The following SLC30A8 variants were observed in gnomAD, a reference collection of about 807,000 sequenced individuals.
The protein encoded by SLC30A8 is proton-coupled zinc antiporter SLC30A8.
A neutral mutation model predicts 36.9 loss-of-function variants in SLC30A8; 27 were observed. The ratio of observed to expected loss-of-function variants is 0.73; its 90% CI spans 0.54 to 1.01. The LOEUF (loss-of-function observed/expected upper bound fraction) is 1.01. SLC30A8 is among the 50% of genes least tolerant of loss of function. The pLI, the probability that SLC30A8 is intolerant of heterozygous loss-of-function variation, is 0.00. For missense variants in SLC30A8, 439 were observed against 452.0 expected, an observed-to-expected ratio of 0.97 and a Z score of 0.26; for synonymous variants, 164 against 172.4, an observed-to-expected ratio of 0.95 and a Z score of 0.38.
chr8:116,963,398 AC>A (rs1192040250), intron 1 of SLC30A8, among the ~76,000 whole-genome samples: 2 of 151,734 alleles, frequency 1.3e-5, no homozygotes, highest in East Asian at 1.9e-4. Context: ...CATTTTCATC[AC>A]CCCCAAATGA....
chr8:117,153,919 GAGA>G (rs1195412751), intron 3 of SLC30A8, among the ~76,000 whole-genome samples: 4 of 152,146 alleles, frequency 2.6e-5, no homozygotes, highest in African/African-American at 4.8e-5. Context: ...AAGAAAGGGA[GAGA>G]AGAAGTCTAG....
chr8:116,966,372 C>T (rs554940444), intron 1 of SLC30A8, among the ~76,000 whole-genome samples: 6 of 152,096 alleles, frequency 3.9e-5, no homozygotes, highest in African/African-American at 1.4e-4. Flanking sequence ...TCTTGCTACT[C>T]CCTTTTCAGT....
chr8:117,055,141 A>G (rs1158839524), intron 2 of SLC30A8, among the ~76,000 whole-genome samples: 3 of 152,224 alleles, frequency 2.0e-5, no homozygotes, highest in Admixed American at 2.0e-4. Context: ...CGGGGTTACC[A>G]GTCCCTCTCC....
At chr8:117,079,186 A>G (rs1476031991) in intron 2 of SLC30A8, among the ~76,000 whole-genome samples, 1 of 150,572 alleles carries the variant, frequency 6.6e-6, no homozygotes, top group Non-Finnish European at 1.5e-5. Flanking sequence ...TAATTTTTGT[A>G]TTTTTAGTAG....
At chr8:117,094,782 C>G (rs971942534) in intron 2 of SLC30A8, among the ~76,000 whole-genome samples, 18 of 152,306 alleles carry the variant, frequency 1.2e-4, no homozygotes, top group African/African-American at 4.3e-4. Context: ...TCATTCATGG[C>G]GTCCAGGCTG....
intron 1 of SLC30A8, among the ~76,000 whole-genome samples, chr8:116,963,754 A>ATTGC (rs1398455594): frequency 6.6e-6 from 1 of 152,178 alleles, no homozygotes; most frequent in Non-Finnish European, 1.5e-5. Context: ...ACCTGTTTTC[A>ATTGC]TTGCTTTGGA....
intron 2 of SLC30A8, among the ~76,000 whole-genome samples, chr8:117,054,258 C>G (rs948035480): frequency 6.6e-6 from 1 of 152,018 alleles, no homozygotes; most frequent in Non-Finnish European, 1.5e-5. Context: ...GGTACCGCAC[C>G]TGGCTATTTT....
At chr8:117,030,694 G>A (rs1168459976) in intron 1 of SLC30A8, among the ~76,000 whole-genome samples, 1 of 151,524 alleles carries the variant, frequency 6.6e-6, no homozygotes, top group South Asian at 2.1e-4. Context: ...TCTAGGTTTT[G>A]CTGAGTTATT....
chr8:117,052,103 C>T lies in SLC30A8; in HGVS notation c.-226+12845C>T, dbSNP rs575151149. Reference sequence around the variant, plus strand: ...TCGGCTCTCTGCAACCTCTGCCTCCCGGGTTCAAGCGATTCTCCTGCCTCA... The same window carrying T: ...TCGGCTCTCTGCAACCTCTGCCTCCTGGGTTCAAGCGATTCTCCTGCCTCA... On this transcript the variant is annotated intron_variant, in intron 2 of 10. Coordinates refer to the SLC30A8 transcript ENST00000427715. 9.2e-5 allele frequency among the ~76,000 whole-genome samples: 14 copies of T among 152,250 alleles called. No individual in the cohort carries two copies. In the South Asian group the frequency reaches 1.7e-3, roughly 18 times the overall value.
chr8:117,095,701 G>T lies in SLC30A8; in HGVS notation c.-225-39579G>T, dbSNP rs1280425476. ...TTGCCTTGTTCATTCCTTTAGTCAGGTATGCAATATTTATTGAGGGCTTCC... is the reference window on the plus strand; with the variant it reads ...TTGCCTTGTTCATTCCTTTAGTCAGTTATGCAATATTTATTGAGGGCTTCC... On this transcript the variant is annotated intron_variant, in intron 2 of 10. Transcript: ENST00000427715. 2.0e-5 allele frequency among the ~76,000 whole-genome samples: 3 copies of T among 152,252 alleles called. No homozygotes were observed. The East Asian group carries it at 5.8e-4, about 29-fold the overall frequency.
intron 3 of SLC30A8, 103 bp from the exon 4 acceptor site, chr8:117,157,588 C>A: frequency 1.5e-6 from 2 of 1,309,164 alleles, no homozygotes; most frequent in Non-Finnish European, 1.1e-6. Context: ...TAATGTGAAG[C>A]CTTTTTGGGG....
chr8:117,171,036 G>T lies in SLC30A8; in HGVS notation c.832G>T (p.Val278Leu). The T allele has an allele frequency of 6.3e-7, 1 of 1,589,160 alleles. No homozygotes were observed. The highest frequency in any genetic ancestry group is 8.6e-7 in the Non-Finnish European group (1 of 1,169,000). Reference protein sequence around the residue: ...KDFSILLMEGVPKSLNYSGVK... With the variant: ...KDFSILLMEGLPKSLNYSGVK... ...CTCCATCTCTTCCCTTTTGTCAGGT[G>T]TGCCAAAGAGCCTGAATTACAGTGG... Residue 278 changes from valine (V) to leucine (L), a missense_variant and splice_region_variant, in exon 7 of 8, where the codon GTG becomes TTG. By Grantham distance (32) the Val-to-Leu change is conservative. Transcript: ENST00000456015.
At chr8:117,155,569 G>T (rs1037762771) in intron 3 of SLC30A8, among the ~76,000 whole-genome samples, 4 of 152,158 alleles carry the variant, frequency 2.6e-5, no homozygotes, top group Admixed American at 6.5e-5. Context: ...ACAGTATTTT[G>T]GGGGGTACAT....
At chr8:117,147,200 C>G in intron 2 of SLC30A8, 47 bp downstream of exon 2, 1 of 1,551,586 alleles carries the variant, frequency 6.4e-7, no homozygotes. Flanking sequence ...AAACAAAACT[C>G]TGCATCATTA....
chr8:116,963,083 T>G (rs1169665045), intron 1 of SLC30A8, among the ~76,000 whole-genome samples: 1 of 148,758 alleles, frequency 6.7e-6, no homozygotes, highest in African/African-American at 2.4e-5. Context: ...GGAAAGACTT[T>G]AAGAATGTAG....
intron 2 of SLC30A8, among the ~76,000 whole-genome samples, chr8:117,074,437 T>C (rs1209421413): frequency 2.0e-5 from 3 of 152,190 alleles, no homozygotes; most frequent in African/African-American, 7.2e-5. Context: ...TATGACTTGC[T>C]TACCTTAGAG....
At chr8:117,030,944 CTATT>C (rs1179989856) in intron 1 of SLC30A8, among the ~76,000 whole-genome samples, 2 of 152,146 alleles carry the variant, frequency 1.3e-5, no homozygotes, top group African/African-American at 4.8e-5. Context: ...GAGAAACAAT[CTATT>C]TAAGATTCCA....
intron 2 of SLC30A8, among the ~76,000 whole-genome samples, chr8:117,107,194 T>C (rs1820031249): frequency 6.6e-6 from 1 of 152,182 alleles, no homozygotes; most frequent in Admixed American, 6.6e-5. Context: ...CCATCCTTAT[T>C]AAAATAAGCT....
chr8:116,971,026 C>T (rs921536029), intron 1 of SLC30A8, among the ~76,000 whole-genome samples: 5 of 152,074 alleles, frequency 3.3e-5, no homozygotes, highest in African/African-American at 1.2e-4. Context: ...ACCCAGCAGG[C>T]GGAGGTTGCA....
Sources: gnomAD v4.1 joint callset for allele counts (sites outside exome capture counted in the v4.1 genomes callset) on GRCh38, gnomAD v4.1.1 for gene constraint, MANE v1.5 for transcripts, NCBI Gene and HGNC (gene_info 2026-07-23, HGNC 2026-07-21) for gene names.